NLRC3: variants seen among roughly 807,000 people sequenced by gnomAD.
The protein encoded by NLRC3 is NLR family CARD domain-containing protein 3.
A neutral mutation model predicts 91.6 loss-of-function variants in NLRC3; 87 were observed. The observed-to-expected ratio is 0.95, with a 90% CI of 0.80 to 1.14. NLRC3 has a LOEUF of 1.14. Among genes scored for constraint, NLRC3 ranks in the 50% most tolerant of loss-of-function variants. NLRC3 has a pLI of 0.00. For missense variants in NLRC3, 1,577 were observed against 1,418.6 expected (o/e 1.11, Z -1.79); for synonymous variants, 694 against 625.3 (o/e 1.11, Z -1.64).
At chr16:3,558,320 G>C (rs1167926165) in intron 6 of NLRC3, among the ~76,000 whole-genome samples, 2 of 152,188 alleles carry the variant, frequency 1.3e-5, no homozygotes, top group Admixed American at 6.6e-5. Flanking sequence ...GACAGAGTGA[G>C]ACCATGTCTC....
At position 3,564,737 on chromosome 16, in the gene NLRC3, C is replaced by T. The variant is rs539597311; in HGVS notation, c.200G>A (p.Arg67His). 4.3e-5 allele frequency: 68 copies of T among 1,586,460 alleles called. No individual in the cohort carries two copies. Among genetic ancestry groups the T allele is most frequent in the South Asian group, 5.7e-5 (5 of 88,402 alleles). Residue 67 changes from arginine to histidine, a missense_variant, in exon 5 of 20, where the codon CGC (arginine) becomes CAC (histidine). By Grantham distance (29) the Arg-to-His change is conservative (BLOSUM62 0). Transcript: ENST00000359128. The surrounding 1 kb of genome is among the most constrained non-coding windows in gnomAD (Gnocchi z 5.9). ...TCCCACCTTGCTCAGCAGGGCCTTGCGGTGCCTCTGTATCCTTGAGTCTGC... is the reference window on the plus strand; with the variant it reads ...TCCCACCTTGCTCAGCAGGGCCTTGTGGTGCCTCTGTATCCTTGAGTCTGC... ...CSNDSRIQRH[R>H]KALLSKVGGG...
At chr16:3,550,247 T>G (rs2038922711) in intron 11 of NLRC3, among the ~76,000 whole-genome samples, 167 bp downstream of exon 11, 2 of 152,152 alleles carry the variant, frequency 1.3e-5, no homozygotes, top group Non-Finnish European at 2.9e-5. Flanking sequence ...CCCCACTGTC[T>G]AGGGAAATGG....
At position 3,542,215 on chromosome 16, in the gene NLRC3, C is replaced by T; in HGVS notation, c.3083G>A (p.Gly1028Glu). 6.3e-7 allele frequency: 1 copy of T among 1,591,404 alleles called. No homozygotes were observed. Among genetic ancestry groups the T allele is most frequent in the African/African-American group, 1.3e-5 (1 of 74,450 alleles). Residue 1028 changes from glycine (G) to glutamate (E), a missense_variant, in exon 19 of 20, where the codon GGA (glycine) becomes GAA (glutamate). Physicochemically the swap from Gly to Glu is moderately conservative, Grantham distance 98. Transcript: ENST00000359128. Reference sequence around the variant, plus strand: ...CTTGATATGCTGGAGCCTGTGGTTTCCAGACAGTGCTGTGGCAATGCATAT... The same window carrying T: ...CTTGATATGCTGGAGCCTGTGGTTTTCAGACAGTGCTGTGGCAATGCATAT... ...GAICIATALS[G>E]NHRLQHINLQ... is the part of the protein sequence containing the mutation.
chr16:3,542,127 GC>G, intron 19 of NLRC3, 63 bp downstream of exon 19: 1 of 1,210,078 alleles, frequency 8.3e-7, no homozygotes, highest in Non-Finnish European at 1.2e-6. Flanking sequence ...TCAGAACTGG[GC>G]AAAAGGCAGT....
At position 3,552,267 on chromosome 16, in the gene NLRC3, G is replaced by C; in HGVS notation, c.2280C>G (p.Asn760Lys). 1.2e-6 allele frequency: 2 copies of C among 1,612,930 alleles called. No individual in the cohort carries two copies. Among genetic ancestry groups the C allele is most frequent in the Non-Finnish European group, 1.7e-6 (2 of 1,178,938 alleles). The part of the protein sequence containing the change: ...RTLSMLHLQK[N>K]SIGPMGAQRM... Reference sequence around the variant, plus strand: ...GCTGGGCTCCCATGGGCCCGATGCTGTTCTTCTGCAGGCTGTGGGAGAAAA... The same window carrying C: ...GCTGGGCTCCCATGGGCCCGATGCTCTTCTTCTGCAGGCTGTGGGAGAAAA... Residue 760 changes from asparagine to lysine, a missense_variant, in exon 10 of 20, where the codon AAC becomes AAG. Asn to Lys is a moderately conservative substitution (Grantham distance 94). Coordinates refer to ENST00000359128, the MANE Select transcript of NLRC3 (RefSeq NM_178844.4).
chr16:3,559,948 A>C (rs2039531146), intron 6 of NLRC3, among the ~76,000 whole-genome samples: 1 of 151,938 alleles, frequency 6.6e-6, no homozygotes, highest in African/African-American at 2.4e-5. Flanking sequence ...TGGCCTAGAT[A>C]TCCTTTTAAG....
rs747703426 is a variant in NLRC3, at chr16:3,548,701, C to T, written c.2656G>A (p.Val886Met). The change falls in exon 14 of 20, where the codon GTG becomes ATG. Residue 886 changes from valine (V) to methionine (M), a missense_variant. Transcript: ENST00000359128. Reference sequence around the variant, plus strand: ...GAGGTGAGGGTGCGGTTTTCTCTCACTGCCACTGCGATGGCCCGGGCACCC... The same window carrying T: ...GAGGTGAGGGTGCGGTTTTCTCTCATTGCCACTGCGATGGCCCGGGCACCC... ...DQGARAIAVAVRENRTLTSLH... is the reference protein window; with the variant it reads ...DQGARAIAVAMRENRTLTSLH... 6 of 1,600,366 alleles carry T rather than the reference C, an allele frequency of 3.7e-6. No homozygotes were observed. The highest frequency in any genetic ancestry group is 5.1e-6 in the Non-Finnish European group (6 of 1,173,862).
chr16:3,564,318 C>T lies in NLRC3; in HGVS notation c.619G>A (p.Ala207Thr). ...VFPHVGEPSL[A>T]VAVPARALLI... ...AGGGCCCTGGCTGGGACTGCCACCG[C>T]CAGGCTGGGCTCCCCGACGTGCGGG... is the stretch of plus-strand genomic sequence containing the variant. The change falls in exon 5 of 20, where the codon GCG (alanine) becomes ACG (threonine). Residue 207 changes from alanine to threonine, a missense_variant. Ala to Thr is a moderately conservative substitution (Grantham distance 58). Coordinates refer to ENST00000359128, the MANE Select transcript of NLRC3 (RefSeq NM_178844.4). The surrounding 1 kb of genome is among the most constrained non-coding windows in gnomAD (Gnocchi z 5.9). 2 of 1,611,664 alleles carry T rather than the reference C, an allele frequency of 1.2e-6. No homozygotes were observed. The highest frequency in any genetic ancestry group is 1.7e-6 in the Non-Finnish European group (2 of 1,179,626).
intron 9 of NLRC3, among the ~76,000 whole-genome samples, chr16:3,553,545 C>T (rs542214386): frequency 2.4e-4 from 37 of 152,220 alleles, no homozygotes; most frequent in African/African-American, 8.7e-4. Flanking sequence ...TGCCTGAGGA[C>T]GAGGGTCCTG....
chr16:3,541,494 G>A lies in NLRC3; in HGVS notation c.*331C>T, dbSNP rs774026918. 12 of 255,890 alleles carry A rather than the reference G, an allele frequency of 4.7e-5. No homozygotes were observed. The highest frequency in any genetic ancestry group is 7.5e-5 in the Non-Finnish European group (10 of 134,062). The allele number at this position is 255,890 out of a possible 1,614,324, so 15.9% of individuals were successfully genotyped here. On this transcript the variant is annotated 3_prime_UTR_variant, in exon 20 of 20. Transcript: ENST00000359128. ...CAGTAATAAACATTTTTAAAGGTTG[G>A]GGACACATGAAGTCCTCAGGGTGTA...
intron 1 of NLRC3, among the ~76,000 whole-genome samples, chr16:3,574,348 T>C (rs1325006929): frequency 1.3e-5 from 2 of 151,964 alleles, no homozygotes; most frequent in Admixed American, 1.3e-4. Flanking sequence ...GAGATTTGAT[T>C]GGTCTGGCAA....
At chr16:3,572,257 TATAAC>T (rs1440202422) in intron 1 of NLRC3, among the ~76,000 whole-genome samples, 5 of 151,976 alleles carry the variant, frequency 3.3e-5, no homozygotes, top group East Asian at 1.9e-4. Flanking sequence ...TGGTGAATAT[TATAAC>T]ATAACAGACT....
intron 6 of NLRC3, among the ~76,000 whole-genome samples, chr16:3,560,076 T>G (rs1203676543): frequency 6.6e-6 from 1 of 152,126 alleles, no homozygotes; most frequent in African/African-American, 2.4e-5. Flanking sequence ...AAATTGCCAT[T>G]AACTCAGATA....
chr16:3,554,309 C>T lies in NLRC3; in HGVS notation c.2200G>A (p.Val734Ile), dbSNP rs767543107. The T allele has an allele frequency of 8.1e-6, 13 of 1,613,430 alleles. No homozygotes were observed. The highest frequency in any genetic ancestry group is 3.3e-5 in the Admixed American group (2 of 59,972). The change falls in exon 9 of 20, where the codon GTT becomes ATT. Residue 734 changes from valine to isoleucine, a missense_variant. Transcript: ENST00000359128. ...ATGGACCTGGCACCATCATCCCTAACGGTGTTGCCCTGGAGGCTGCAGAGA... is the reference window on the plus strand; with the variant it reads ...ATGGACCTGGCACCATCATCCCTAATGGTGTTGCCCTGGAGGCTGCAGAGA... ...LTSLSLQGNT[V>I]RDDGARSMAE...
chr16:3,561,175 C>A (rs990928428), intron 6 of NLRC3, among the ~76,000 whole-genome samples: 1 of 151,754 alleles, frequency 6.6e-6, no homozygotes, highest in African/African-American at 2.4e-5. Flanking sequence ...CATGGTGAAA[C>A]CCTGTCTCTA....
At chr16:3,541,970 G>A (rs2038423156) in intron 19 of NLRC3, 55 bp from the exon 20 acceptor site, 1 of 1,062,348 alleles carries the variant, frequency 9.4e-7, no homozygotes, top group Non-Finnish European at 1.4e-6. Flanking sequence ...CTTTAGTAGA[G>A]CAGGCCATAC....
chr16:3,569,789 T>C lies in NLRC3; in HGVS notation c.-168-2465A>G, dbSNP rs191241281. On this transcript the variant is annotated intron_variant, in intron 1 of 19. Coordinates refer to ENST00000359128, the MANE Select transcript of NLRC3 (RefSeq NM_178844.4). ...AATAAGGTTGTTGCAGGCCTTCTTG[T>C]TTTACTCTAGACTAGACCAGGAGTG... Among the ~76,000 whole-genome samples, 72 of 152,242 alleles carry C rather than the reference T, an allele frequency of 4.7e-4. 1 individual carries two copies. The highest frequency in any genetic ancestry group is 1.7e-3 in the Admixed American group (26 of 15,288).
Position 3,540,216 on chromosome 16 carries a change from C to T in NLRC3, c.*1609G>A, listed in dbSNP as rs934698165. On this transcript the variant is annotated 3_prime_UTR_variant, in exon 20 of 20. Coordinates refer to ENST00000359128, the MANE Select transcript of NLRC3 (RefSeq NM_178844.4). ...TGAGACTGCAAGGATATCATCTTCCCGAGTAGGCCTTCATCCATGGCCTCA... is the reference window on the plus strand; with the variant it reads ...TGAGACTGCAAGGATATCATCTTCCTGAGTAGGCCTTCATCCATGGCCTCA... 6 of 152,178 alleles carry T rather than the reference C, an allele frequency of 3.9e-5. No homozygotes were observed. Among genetic ancestry groups the T allele is most frequent in the Admixed American group, 2.6e-4 (4 of 15,274 alleles). The allele number at this position is 152,178 out of a possible 1,614,324, so 9.4% of individuals were successfully genotyped here.
chr16:3,560,689 A>ACTGGAGTGCAGTGGCG (rs1021503242), intron 6 of NLRC3, among the ~76,000 whole-genome samples: 4 of 152,044 alleles, frequency 2.6e-5, no homozygotes, highest in African/African-American at 7.2e-5. Flanking sequence ...TGTCACCCAG[A>ACTGGAGTGCAGTGGCG]CTGGAGTGCA....
Sources: gnomAD v4.1 joint callset for allele counts (sites outside exome capture counted in the v4.1 genomes callset) on GRCh38, gnomAD v4.1.1 for gene constraint, Gnocchi (gnomAD v3.1) non-coding constraint, MANE v1.5 for transcripts, NCBI Gene and HGNC (gene_info 2026-07-23, HGNC 2026-07-21) for gene names.